NUP107: variants seen among roughly 807,000 people sequenced by gnomAD.
NUP107 encodes nuclear pore complex protein Nup107.
Under a neutral mutation model 141.0 loss-of-function variants are expected in NUP107, and 101 were observed. The ratio of observed to expected loss-of-function variants is 0.72; its 90% CI spans 0.61 to 0.84. The LOEUF (loss-of-function observed/expected upper bound fraction) is 0.84. Ranked by LOEUF, NUP107 falls within the 40% of genes least tolerant of loss-of-function variation. The pLI is 0.00. For synonymous variants in NUP107, 319 were observed against 363.9 expected (o/e 0.88, Z 1.41); for missense variants, 941 against 1,102.7 (o/e 0.85, Z 2.08).
Position 68,700,283 on chromosome 12 carries a change from G to A in NUP107, c.553-443G>A, listed in dbSNP as rs1337622835. On this transcript the variant is annotated intron_variant, in intron 6 of 27. Coordinates refer to ENST00000229179, the MANE Select transcript of NUP107 (RefSeq NM_020401.4). The stretch of plus-strand genomic sequence containing the variant: ...TTGTTTAGAAATGATAATGTTTTTG[G>A]TGCCAATCTTAGGAAAATATCTTTC... Among the ~76,000 whole-genome samples the A allele has an allele frequency of 6.6e-5, 10 of 152,182 alleles. No homozygotes were observed. The East Asian group carries it at 7.7e-4, about 12-fold the overall frequency.
intron 26 of NUP107, 38 bp from the exon 27 acceptor site, chr12:68,741,775 T>G (rs1282312795): frequency 1.3e-6 from 2 of 1,587,464 alleles, no homozygotes; most frequent in South Asian, 1.1e-5. Context: ...GATCTTTAGC[T>G]TAAATTGTTA....
intron 24 of NUP107, among the ~76,000 whole-genome samples, chr12:68,734,131 G>T (rs1439272512): frequency 6.6e-6 from 1 of 152,064 alleles, no homozygotes; most frequent in East Asian, 1.9e-4. Flanking sequence ...AACAAAATTA[G>T]CCAGGCATGG....
Position 68,722,109 on chromosome 12 carries a change from C to T in NUP107, c.1463C>T (p.Thr488Met), listed in dbSNP as rs1480281710. The T allele has an allele frequency of 5.6e-6, 9 of 1,612,992 alleles. No homozygotes were observed. The highest frequency in any genetic ancestry group is 2.7e-5 in the African/African-American group (2 of 74,790). ...TCCCGTTGTTTCTTTTGAAGCTGGA[C>T]GTTAGAAAAGGTTTTTGAGGAACTT... is the stretch of plus-strand genomic sequence containing the variant. ...LPREYLGANW[T>M]LEKVFEELQA... The change falls in exon 17 of 28, where the codon ACG (threonine) becomes ATG (methionine). Residue 488 changes from threonine (T) to methionine (M), a missense_variant. Coordinates refer to ENST00000229179, the MANE Select transcript of NUP107 (RefSeq NM_020401.4).
At chr12:68,741,733 T>C (rs1193889939) in intron 26 of NUP107, 80 bp from the exon 27 acceptor site, 2 of 1,319,018 alleles carry the variant, frequency 1.5e-6, no homozygotes, top group African/African-American at 2.9e-5. Flanking sequence ...CATTCTGGGT[T>C]TGATTCAGTA....
At chr12:68,688,486 G>A (rs1017454618) in intron 1 of NUP107, among the ~76,000 whole-genome samples, 1 of 152,126 alleles carries the variant, frequency 6.6e-6, no homozygotes, top group Non-Finnish European at 1.5e-5. Flanking sequence ...CACAAGCTCT[G>A]TTTGTTGTTG....
rs1875530281 is a variant in NUP107, at chr12:68,687,078, G to C, written c.8+5G>C. ...AAAGGCTTTAGCCATGGACAGGTCA[G>C]TACTGATGGTGGCAGCTGAGCCCGA... On this transcript the variant is annotated splice_donor_5th_base_variant and intron_variant, in intron 1 of 27. Coordinates refer to ENST00000229179, the MANE Select transcript of NUP107 (RefSeq NM_020401.4). 1.2e-6 allele frequency: 2 copies of C among 1,614,182 alleles called. No individual in the cohort carries two copies. Among genetic ancestry groups the C allele is most frequent in the Non-Finnish European group, 1.7e-6 (2 of 1,179,994 alleles).
intron 6 of NUP107, among the ~76,000 whole-genome samples, chr12:68,698,101 T>C (rs915047331): frequency 1.3e-5 from 2 of 151,792 alleles, no homozygotes; most frequent in Admixed American, 6.6e-5. Context: ...AATAATGAGA[T>C]ACTACAACAT....
At chr12:68,714,662 T>C (rs938091731) in intron 11 of NUP107, among the ~76,000 whole-genome samples, 2 of 152,224 alleles carry the variant, frequency 1.3e-5, no homozygotes, top group African/African-American at 2.4e-5. Flanking sequence ...TTGTTTTCCA[T>C]TGGAAATCCA....
At chr12:68,693,073 A>ATT (rs1423126304) in intron 5 of NUP107, among the ~76,000 whole-genome samples, 1 of 145,376 alleles carries the variant, frequency 6.9e-6, no homozygotes, top group Non-Finnish European at 1.5e-5. Context: ...TTATTTATTT[A>ATT]TTTATTTATT....
At position 68,721,167 on chromosome 12, in the gene NUP107, A is replaced by G. The variant is rs770504012; in HGVS notation, c.1301A>G (p.Asn434Ser). ...ERAIYAALSG[N>S]LKQLLPVCDT... ...GCAATTTATGCAGCTTTAAGTGGGA[A>G]TCTTAAGCAGGTATGCAATCTGTTT... Residue 434 changes from asparagine (N) to serine (S), a missense_variant, in exon 15 of 28, where the codon AAT becomes AGT. Physicochemically the swap from Asn to Ser is conservative, Grantham distance 46. Transcript: ENST00000229179. 37 of 1,606,898 alleles carry G rather than the reference A, an allele frequency of 2.3e-5. No homozygotes were observed. In the South Asian group the frequency reaches 4.0e-4, roughly 17 times the overall value.
intron 15 of NUP107, 105 bp downstream of exon 15, chr12:68,721,282 A>G (rs532519267): frequency 2.9e-6 from 2 of 682,586 alleles, no homozygotes; most frequent in East Asian, 5.7e-5. Context: ...TGTATACTTA[A>G]GTATATACAT....
chr12:68,713,364 G>A lies in NUP107; in HGVS notation c.891-366G>A, dbSNP rs1876953400. On this transcript the variant is annotated intron_variant, in intron 10 of 27. Coordinates refer to ENST00000229179, the MANE Select transcript of NUP107 (RefSeq NM_020401.4). ...CACTTTAGCCTCGGCAACAGAGCGA[G>A]ACCCTGTCTCCAAAAAAAAAAAAAA... Among the ~76,000 whole-genome samples, 3 of 135,102 alleles carry A rather than the reference G, an allele frequency of 2.2e-5. 1 individual carries two copies. In the Admixed American group the frequency reaches 2.4e-4, roughly 11 times the overall value. The allele number at this position is 135,102 out of a possible 152,430, so 88.6% of individuals were successfully genotyped here.
intron 26 of NUP107, among the ~76,000 whole-genome samples, chr12:68,740,806 T>G (rs1184761560): frequency 6.6e-6 from 1 of 152,106 alleles, no homozygotes; most frequent in African/African-American, 2.4e-5. Flanking sequence ...GGAGGATCAC[T>G]TGAGCCCAAG....
rs759378681 is a variant in NUP107, at chr12:68,719,631, A to C, written c.1228A>C (p.Ser410Arg). The C allele has an allele frequency of 6.2e-7, 1 of 1,611,844 alleles. No individual in the cohort carries two copies. Among genetic ancestry groups the C allele is most frequent in the Non-Finnish European group, 8.5e-7 (1 of 1,177,960 alleles). The change falls in exon 14 of 28, where the codon AGT (serine) becomes CGT (arginine). Residue 410 changes from serine (S) to arginine (R), a missense_variant. By Grantham distance (110) the Ser-to-Arg change is moderately radical. Transcript: ENST00000229179. ...TCCATATAGACGCATTTGGAAAATA[A>C]GTTGCTGGAGAATGGCAGAAGATGT... Reference protein sequence around the residue: ...GNPYRRIWKISCWRMAEDELF... With the variant: ...GNPYRRIWKIRCWRMAEDELF...
At chr12:68,703,532 C>A (rs1254236008) in intron 8 of NUP107, among the ~76,000 whole-genome samples, 1 of 151,654 alleles carries the variant, frequency 6.6e-6, no homozygotes, top group Non-Finnish European at 1.5e-5. Flanking sequence ...CTCACTGCAA[C>A]CTCCGCCTCC....
intron 6 of NUP107, among the ~76,000 whole-genome samples, chr12:68,697,942 C>T (rs575344634): frequency 4.6e-5 from 7 of 151,226 alleles, no homozygotes; most frequent in Admixed American, 6.6e-5. Flanking sequence ...GCAGGAGAAT[C>T]GCTTGAACCT....
chr12:68,699,797 T>A (rs1876239569), intron 6 of NUP107, among the ~76,000 whole-genome samples: 1 of 152,190 alleles, frequency 6.6e-6, no homozygotes, highest in South Asian at 2.1e-4. Flanking sequence ...TTACCCTGGG[T>A]CGTTAAACCT....
chr12:68,716,245 CT>C (rs71436075), intron 12 of NUP107, among the ~76,000 whole-genome samples: 4 of 116,220 alleles, frequency 3.4e-5, no homozygotes, highest in East Asian at 2.5e-4. Flanking sequence ...TTCTTTCTTT[CT>C]TTTTTTTTTT....
At chr12:68,704,290 G>A (rs1876473617) in intron 8 of NUP107, among the ~76,000 whole-genome samples, 1 of 152,060 alleles carries the variant, frequency 6.6e-6, no homozygotes, top group African/African-American at 2.4e-5. Context: ...AGCCTCAGAT[G>A]TTTTTTAAAT....
Sources: allele counts gnomAD v4.1 joint callset (sites outside exome capture counted in the v4.1 genomes callset), GRCh38; gene constraint gnomAD v4.1.1; transcripts MANE v1.5; gene names NCBI Gene and HGNC (gene_info 2026-07-23, HGNC 2026-07-21).